PCYT2: variants seen among roughly 807,000 people sequenced by gnomAD.
PCYT2 encodes the protein phosphate cytidylyltransferase 2, ethanolamine, also known as ethanolamine-phosphate cytidylyltransferase.
A neutral mutation model predicts 50.0 loss-of-function variants in PCYT2; 33 were observed. That is an observed-to-expected ratio of 0.66 (90% CI 0.50 to 0.88). PCYT2 has a LOEUF of 0.88. Ranked by LOEUF, PCYT2 falls within the 40% of genes least tolerant of loss-of-function variation. The pLI is 0.00. For missense variants in PCYT2, 430 were observed against 519.7 expected, an observed-to-expected ratio of 0.83 and a Z score of 1.68; for synonymous variants, 240 against 203.7, an observed-to-expected ratio of 1.18 and a Z score of -1.52.
chr17:81,902,973 G>A lies in PCYT2; in HGVS notation c.*1860C>T, dbSNP rs796481000. On this transcript the variant is annotated 3_prime_UTR_variant, in exon 13 of 13. Transcript: ENST00000538936. ...CGGGACCTGGAAATCCCCAAGCCTGGGTATGAGAAGGCAGCCGAGTGTGCG... is the reference window on the plus strand; with the variant it reads ...CGGGACCTGGAAATCCCCAAGCCTGAGTATGAGAAGGCAGCCGAGTGTGCG... 5 of 514,882 alleles carry A rather than the reference G, an allele frequency of 9.7e-6. No homozygotes were observed. Among genetic ancestry groups the A allele is most frequent in the African/African-American group, 6.1e-5 (3 of 49,462 alleles). 31.9% of individuals were successfully genotyped at this position (514,882 alleles called of 1,614,324 possible).
In PCYT2 at chr17:81,901,257, C is replaced by G. The variant is rs887335638; in HGVS notation, c.*3576G>C. 1 of 152,208 alleles carries G rather than the reference C, an allele frequency of 6.6e-6. No homozygotes were observed. Among genetic ancestry groups the G allele is most frequent in the Non-Finnish European group, 1.5e-5 (1 of 68,038 alleles). 9.4% of individuals were successfully genotyped at this position (152,208 alleles called of 1,614,324 possible). A position where few individuals can be genotyped will look rare whatever the true frequency, so the allele number is the denominator to read the frequency against. ...CCAGATTCAGCCAGTCTAGTCTTTC[C>G]ACGTTCCTCTGCCTGCTTGTATCCT... On this transcript the variant is annotated 3_prime_UTR_variant, in exon 13 of 13. Coordinates refer to ENST00000538936, the MANE Select transcript of PCYT2 (RefSeq NM_002861.5).
rs1299438933 is a variant in PCYT2 at position 81,906,559 on chromosome 17, TAAG to T, written c.677-16_677-14del. 11 of 1,612,602 alleles carry T rather than the reference TAAG, an allele frequency of 6.8e-6. No individual in the cohort carries two copies. The highest frequency in any genetic ancestry group is 1.3e-5 in the African/African-American group (1 of 74,886). On this transcript the variant is annotated splice_polypyrimidine_tract_variant and intron_variant, in intron 7 of 12. Transcript: ENST00000538936. ...ACATGCCCGATGTCTGCACCCAGGT[TAAG>T]AAGCAGTCGGGATGGGGATGACAGG...
chr17:81,904,995 G>A (rs772470146), intron 12 of PCYT2, 51 bp from the exon 13 acceptor site: 7 of 1,587,684 alleles, frequency 4.4e-6, no homozygotes, highest in East Asian at 4.5e-5. Context: ...GCGGCTCCGA[G>A]GGGGAGGGCA....
At position 81,902,168 on chromosome 17, in the gene PCYT2, C is replaced by A; in HGVS notation, c.*2665G>T. On this transcript the variant is annotated 3_prime_UTR_variant, in exon 13 of 13. Coordinates refer to ENST00000538936, the MANE Select transcript of PCYT2 (RefSeq NM_002861.5). ...GCTGCACCCCAGCCCGCCCGCCGCC[C>A]CTCCCGGCCCTCCGCAGCCTCGGCC... 9.4e-7 allele frequency: 1 copy of A among 1,062,206 alleles called. No individual in the cohort carries two copies. Among genetic ancestry groups the A allele is most frequent in the Non-Finnish European group, 1.2e-6 (1 of 845,980 alleles). The allele number at this position is 1,062,206 out of a possible 1,614,324, so 65.8% of individuals were successfully genotyped here.
chr17:81,905,357 C>A, intron 11 of PCYT2, 25 bp downstream of exon 11: 1 of 1,546,984 alleles, frequency 6.5e-7, no homozygotes. Flanking sequence ...AACCCCTGTG[C>A]CCAGCAAGGG....
At position 81,904,868 on chromosome 17, in the gene PCYT2, C is replaced by A. The variant is rs2040155640; in HGVS notation, c.1135G>T (p.Ala379Ser). 1 of 1,612,518 alleles carries A rather than the reference C, an allele frequency of 6.2e-7. No homozygotes were observed. The highest frequency in any genetic ancestry group is 1.1e-5 in the South Asian group (1 of 91,002). Reference sequence around the variant, plus strand: ...CCATCGCGCTCCCCCAGGGGCTGTGCCGCCTGCTGCCTGGCAGCCTCCAGG... The same window carrying A: ...CCATCGCGCTCCCCCAGGGGCTGTGACGCCTGCTGCCTGGCAGCCTCCAGG... ...AFLEAARQQA[A>S]QPLGERDGDF is the part of the protein sequence containing the mutation. Residue 379 changes from alanine (A) to serine (S), a missense_variant, in exon 13 of 13, where the codon GCA (alanine) becomes TCA (serine). This residue lies in a region of PCYT2 where 248 missense variants were observed against 300.2 expected (regional missense o/e 0.83). Transcript: ENST00000538936.
At position 81,911,395 on chromosome 17, in the gene PCYT2, G is replaced by T; in HGVS notation, c.-40C>A. The T allele has an allele frequency of 1.0e-6, 1 of 983,584 alleles. No homozygotes were observed. Among genetic ancestry groups the T allele is most frequent in the Non-Finnish European group, 1.2e-6 (1 of 824,740 alleles). The allele number at this position is 983,584 out of a possible 1,614,324, so 60.9% of individuals were successfully genotyped here. ...GGCGCGGACAGCCTGGCAGCTCCCG[G>T]CGACTCCGAGCGCCGCCGCCCGCCC... On this transcript the variant is annotated 5_prime_UTR_variant, in exon 1 of 13. Coordinates refer to ENST00000538936, the MANE Select transcript of PCYT2 (RefSeq NM_002861.5).
rs78436389 is a variant in PCYT2 at position 81,905,932 on chromosome 17, C to T, written c.837+168G>A. On this transcript the variant is annotated intron_variant, in intron 9 of 12. Transcript: ENST00000538936. The stretch of plus-strand genomic sequence containing the variant: ...GCATCTGGAGACCTGACCACCCCTC[C>T]TCATGCCTCAACAAACAGGTATGGG... 5 of 747,094 alleles carry T rather than the reference C, an allele frequency of 6.7e-6. No homozygotes were observed. The Admixed American group carries it at 8.9e-5, about 13-fold the overall frequency. The allele number at this position is 747,094 out of a possible 1,614,324, so 46.3% of individuals were successfully genotyped here.
chr17:81,906,465 T>C lies in PCYT2; in HGVS notation c.758A>G (p.Gln253Arg). 6.2e-7 allele frequency: 1 copy of C among 1,613,164 alleles called. No individual in the cohort carries two copies. The highest frequency in any genetic ancestry group is 8.5e-7 in the Non-Finnish European group (1 of 1,179,732). ...PYIIAGLHFD[Q>R]EVNHYKGKNY... is the part of the protein sequence containing the mutation. ...CCCAGGGAGCAAGAAGGCAGTGACCTGGTCAAAGTGTAAGCCCGCGATGAT... is the reference window on the plus strand; with the variant it reads ...CCCAGGGAGCAAGAAGGCAGTGACCCGGTCAAAGTGTAAGCCCGCGATGAT... Residue 253 changes from glutamine (Q) to arginine (R), a missense_variant and splice_region_variant, in exon 8 of 13, where the codon CAG becomes CGG. By Grantham distance (43) the Gln-to-Arg change is conservative. Coordinates refer to ENST00000538936, the MANE Select transcript of PCYT2 (RefSeq NM_002861.5).
Position 81,905,741 on chromosome 17 carries a change from G to A in PCYT2, c.838-6C>T, listed in dbSNP as rs772315124. The A allele has an allele frequency of 5.0e-6, 8 of 1,613,338 alleles. No individual in the cohort carries two copies. In the South Asian group the frequency reaches 5.5e-5, roughly 11 times the overall value. ...ATCACCACTTCTGACACGTACTGTG[G>A]GGACAGTGGGGGCAGAAAGACTTGC... On this transcript the variant is annotated splice_polypyrimidine_tract_variant and splice_region_variant and intron_variant, in intron 9 of 12. Coordinates refer to ENST00000538936, the MANE Select transcript of PCYT2 (RefSeq NM_002861.5).
chr17:81,907,044 G>A, intron 6 of PCYT2, 146 bp from the exon 7 acceptor site: 1 of 1,120,684 alleles, frequency 8.9e-7, no homozygotes, highest in Non-Finnish European at 1.3e-6. Flanking sequence ...CAGGCCAGGT[G>A]GCAGGTGGGA....
At chr17:81,911,222 A>G (rs1450083288) in intron 1 of PCYT2, 45 bp downstream of exon 1, 2 of 1,026,008 alleles carry the variant, frequency 1.9e-6, no homozygotes, top group East Asian at 9.0e-5. Context: ...CCCGGAAGGA[A>G]GCCGGCCCCG....
chr17:81,907,546 G>A lies in PCYT2; in HGVS notation c.537+8C>T, dbSNP rs775576674. 3.1e-5 allele frequency: 50 copies of A among 1,606,588 alleles called. 1 individual carries two copies. Among genetic ancestry groups the A allele is most frequent in the South Asian group, 3.3e-5 (3 of 89,908 alleles). On this transcript the variant is annotated splice_region_variant and intron_variant, in intron 6 of 12. Coordinates refer to ENST00000538936, the MANE Select transcript of PCYT2 (RefSeq NM_002861.5). Reference sequence around the variant, plus strand: ...CGTGCTCAGCTCTCCCTGCACAGCCGCACTCACCTTGCCAAAACTGTCTGC... The same window carrying A: ...CGTGCTCAGCTCTCCCTGCACAGCCACACTCACCTTGCCAAAACTGTCTGC...
intron 4 of PCYT2, 137 bp downstream of exon 4, chr17:81,908,431 C>T: frequency 1.5e-6 from 1 of 660,154 alleles, no homozygotes; most frequent in Non-Finnish European, 2.6e-6. Context: ...CCCTCGAGTT[C>T]CCAGTCCTGG....
intron 4 of PCYT2, among the ~76,000 whole-genome samples, chr17:81,908,331 C>T (rs1310311293): frequency 2.0e-5 from 3 of 152,274 alleles, no homozygotes; most frequent in East Asian, 3.8e-4. Flanking sequence ...GCTGCCACCT[C>T]ACAAAGCTGT....
chr17:81,904,074 G>A lies in PCYT2; in HGVS notation c.*759C>T. On this transcript the variant is annotated 3_prime_UTR_variant, in exon 13 of 13. Coordinates refer to ENST00000538936, the MANE Select transcript of PCYT2 (RefSeq NM_002861.5). Reference sequence around the variant, plus strand: ...ATTCTAGCATCGCCTGCTACAGGGGGTGGCCCCAGGCTTTGGAGGGCTGGA... The same window carrying A: ...ATTCTAGCATCGCCTGCTACAGGGGATGGCCCCAGGCTTTGGAGGGCTGGA... 1 of 152,276 alleles carries A rather than the reference G, an allele frequency of 6.6e-6. No individual in the cohort carries two copies. Among genetic ancestry groups the A allele is most frequent in the East Asian group, 1.9e-4 (1 of 5,180 alleles). The allele number at this position is 152,276 out of a possible 1,614,324, so 9.4% of individuals were successfully genotyped here.
At chr17:81,909,221 C>T in intron 2 of PCYT2, 184 bp from the exon 3 acceptor site, 1 of 1,432,900 alleles carries the variant, frequency 7.0e-7, no homozygotes, top group Non-Finnish European at 9.1e-7. Context: ...GCGAGGGTCT[C>T]AGGCAAAGGC....
chr17:81,904,543 A>C lies in PCYT2; in HGVS notation c.*290T>G. ...GTCCAGGTGGTGGGGGCATCCGGGGACCAGGTGGGGGCGCACGCAGGAGCG... is the reference window on the plus strand; with the variant it reads ...GTCCAGGTGGTGGGGGCATCCGGGGCCCAGGTGGGGGCGCACGCAGGAGCG... On this transcript the variant is annotated 3_prime_UTR_variant, in exon 13 of 13. Coordinates refer to ENST00000538936, the MANE Select transcript of PCYT2 (RefSeq NM_002861.5). The C allele has an allele frequency of 2.5e-6, 1 of 401,412 alleles. No homozygotes were observed. Among genetic ancestry groups the C allele is most frequent in the Non-Finnish European group, 4.5e-6 (1 of 220,848 alleles). The allele number at this position is 401,412 out of a possible 1,614,324, so 24.9% of individuals were successfully genotyped here.
rs2040408438 is a variant in PCYT2, at chr17:81,908,593, C to T, written c.382G>A (p.Glu128Lys). ...LTVDGRDTYE[E>K]VKQAGRYREC... ...CTGTACCTCCCAGCCTGCTTTACTT[C>T]CTCATAGGTGTCCCGGCCATCTACA... The change falls in exon 4 of 13, where the codon GAA becomes AAA. Residue 128 changes from glutamate (E) to lysine (K), a missense_variant. Transcript: ENST00000538936. The T allele has an allele frequency of 6.2e-7, 1 of 1,613,766 alleles. No individual in the cohort carries two copies. Among genetic ancestry groups the T allele is most frequent in the Non-Finnish European group, 8.5e-7 (1 of 1,179,842 alleles).
Sources: allele counts gnomAD v4.1 joint callset (sites outside exome capture counted in the v4.1 genomes callset), GRCh38; gene constraint gnomAD v4.1.1; regional missense constraint gnomAD v4.1.1; transcripts MANE v1.5; gene names NCBI Gene and HGNC (gene_info 2026-07-23, HGNC 2026-07-21).